Variants in RGS7BP observed in about 807,000 individuals in gnomAD.
The protein encoded by RGS7BP is regulator of G protein signaling 7-binding protein.
A neutral mutation model predicts 31.3 loss-of-function variants in RGS7BP; 9 were observed. That is an observed-to-expected ratio of 0.29 (90% CI 0.17 to 0.50). The LOEUF (loss-of-function observed/expected upper bound fraction) is 0.50. RGS7BP is among the 20% of genes least tolerant of loss of function. RGS7BP has a pLI of 0.98. For synonymous variants in RGS7BP, 115 were observed against 120.1 expected (o/e 0.96, Z 0.28); for missense variants, 274 against 322.0 (o/e 0.85, Z 1.14).
intron 2 of RGS7BP, among the ~76,000 whole-genome samples, chr5:64,512,596 A>G (rs1305383659): frequency 1.3e-5 from 2 of 152,260 alleles, no homozygotes; most frequent in Non-Finnish European, 2.9e-5. Context: ...GCAAGCATAT[A>G]GTAAATGCTA....
intron 3 of RGS7BP, among the ~76,000 whole-genome samples, chr5:64,579,749 G>C (rs1229370960): frequency 6.6e-6 from 1 of 151,506 alleles, no homozygotes; most frequent in Non-Finnish European, 1.5e-5. Flanking sequence ...TTTGGGGAGG[G>C]GTGATTACAT....
chr5:64,540,280 TA>T (rs779799320), intron 2 of RGS7BP, among the ~76,000 whole-genome samples: 3 of 152,154 alleles, frequency 2.0e-5, no homozygotes. Flanking sequence ...TTTGTCTACA[TA>T]CATATTTTAA....
chr5:64,533,578 A>G (rs1369974815), intron 2 of RGS7BP, among the ~76,000 whole-genome samples: 1 of 152,214 alleles, frequency 6.6e-6, no homozygotes, highest in East Asian at 1.9e-4. Flanking sequence ...AAAAAAAGTT[A>G]TGAACCCCTG....
intron 2 of RGS7BP, among the ~76,000 whole-genome samples, chr5:64,575,215 A>G (rs867257654): frequency 6.6e-6 from 1 of 152,096 alleles, no homozygotes; most frequent in South Asian, 2.1e-4. Context: ...TTTCCATGAA[A>G]TTTTAATTTT....
At chr5:64,520,586 C>T (rs1277890058) in intron 2 of RGS7BP, among the ~76,000 whole-genome samples, 1 of 152,204 alleles carries the variant, frequency 6.6e-6, no homozygotes, top group Non-Finnish European at 1.5e-5. Context: ...GGGGCACCTT[C>T]TTTCCTGGTT....
chr5:64,575,567 GAA>G, intron 2 of RGS7BP: 1 of 899,762 alleles, frequency 1.1e-6, no homozygotes, highest in Non-Finnish European at 1.5e-6. Flanking sequence ...TGCTGAAGGG[GAA>G]AAAAATTAAG....
intron 2 of RGS7BP, among the ~76,000 whole-genome samples, chr5:64,556,499 A>G (rs1031641079): frequency 2.6e-5 from 4 of 151,654 alleles, no homozygotes; most frequent in Non-Finnish European, 4.4e-5. Flanking sequence ...GTAAAAGAAA[A>G]TGTCCAGATG....
chr5:64,608,684 C>T (rs1235638983), intron 5 of RGS7BP, among the ~76,000 whole-genome samples: 1 of 152,062 alleles, frequency 6.6e-6, no homozygotes, highest in Non-Finnish European at 1.5e-5. Flanking sequence ...ATTTTACAGA[C>T]AGCTTAGCAA....
At chr5:64,582,391 A>G (rs557999665) in intron 3 of RGS7BP, among the ~76,000 whole-genome samples, 1 of 152,332 alleles carries the variant, frequency 6.6e-6, no homozygotes, top group Non-Finnish European at 1.5e-5. Context: ...AGCAGAGATG[A>G]CAGAACACTC....
intron 2 of RGS7BP, among the ~76,000 whole-genome samples, chr5:64,570,682 T>TA (rs1742282190): frequency 6.6e-6 from 1 of 152,294 alleles, no homozygotes; most frequent in African/African-American, 2.4e-5. Flanking sequence ...TTACCAATTA[T>TA]AAAACCTCCC....
chr5:64,506,515 C>G lies in RGS7BP; in HGVS notation c.-110C>G, dbSNP rs540054707. 2.2e-6 allele frequency: 2 copies of G among 907,114 alleles called. No homozygotes were observed. The highest frequency in any genetic ancestry group is 3.3e-6 in the Non-Finnish European group (2 of 605,548). 56.2% of individuals were successfully genotyped at this position (907,114 alleles called of 1,614,324 possible). ...GCCAGCCCCAGCACTGTGAGCTGCG[C>G]GCCTCAGGTCCGGGCTCCGGCTGCT... On this transcript the variant is annotated 5_prime_UTR_variant, in exon 1 of 6. Coordinates refer to ENST00000334025, the MANE Select transcript of RGS7BP (RefSeq NM_001029875.3). This position sits in a 1 kb window ranked among gnomAD's most constrained non-coding sequence, Gnocchi z 4.6.
intron 2 of RGS7BP, among the ~76,000 whole-genome samples, chr5:64,516,059 C>T (rs1748965276): frequency 6.6e-6 from 1 of 152,096 alleles, no homozygotes; most frequent in African/African-American, 2.4e-5. Flanking sequence ...CCAGTTAAGC[C>T]TCCCAAAGTG....
intron 2 of RGS7BP, among the ~76,000 whole-genome samples, chr5:64,539,152 C>G (rs975041285): frequency 2.0e-5 from 3 of 152,124 alleles, no homozygotes; most frequent in African/African-American, 7.2e-5. Context: ...TGCTTATGTG[C>G]TATTTAGCAT....
intron 2 of RGS7BP, among the ~76,000 whole-genome samples, chr5:64,533,322 A>G (rs1442098269): frequency 6.6e-6 from 1 of 152,242 alleles, no homozygotes; most frequent in Non-Finnish European, 1.5e-5. Flanking sequence ...ATGAATAAGA[A>G]GCTTTGAAGA....
intron 2 of RGS7BP, among the ~76,000 whole-genome samples, chr5:64,556,025 A>G (rs1274357701): frequency 6.6e-6 from 1 of 152,092 alleles, no homozygotes; most frequent in African/African-American, 2.4e-5. Context: ...GAATAGGTGT[A>G]GAAGTAGAGT....
intron 2 of RGS7BP, among the ~76,000 whole-genome samples, chr5:64,513,689 G>A (rs887865055): frequency 6.6e-6 from 1 of 152,162 alleles, no homozygotes. Flanking sequence ...GCCTTATGTG[G>A]GCAGTGACAG....
chr5:64,566,392 G>C (rs1278577000), intron 2 of RGS7BP, among the ~76,000 whole-genome samples: 1 of 152,136 alleles, frequency 6.6e-6, no homozygotes, highest in Non-Finnish European at 1.5e-5. Flanking sequence ...CCCTGAGAGA[G>C]AGAGAATTCA....
chr5:64,507,032 G>T (rs997254594), intron 1 of RGS7BP, among the ~76,000 whole-genome samples: 4 of 152,162 alleles, frequency 2.6e-5, no homozygotes, highest in Admixed American at 6.5e-5. Context: ...GCGGCTGTAG[G>T]TTGTGCCTGT....
At chr5:64,524,105 T>G (rs1275572715) in intron 2 of RGS7BP, among the ~76,000 whole-genome samples, 2 of 152,226 alleles carry the variant, frequency 1.3e-5, no homozygotes, top group Non-Finnish European at 2.9e-5. Context: ...AGGATTTAAC[T>G]GTAAGAGAAC....
Sources: allele counts gnomAD v4.1 joint callset (sites outside exome capture counted in the v4.1 genomes callset), GRCh38; gene constraint gnomAD v4.1.1; non-coding constraint Gnocchi (gnomAD v3.1); transcripts MANE v1.5; gene names NCBI Gene and HGNC (gene_info 2026-07-23, HGNC 2026-07-21).